DNAAF4: variants seen among roughly 807,000 people sequenced by gnomAD.
The protein encoded by DNAAF4 is dynein assembly factor 4, axonemal.
In DNAAF4, 43 loss-of-function variants were observed where a neutral mutation model predicts 51.8. That is an observed-to-expected ratio of 0.83 (90% confidence interval 0.65 to 1.07). DNAAF4 has a LOEUF of 1.07. Among genes scored for constraint, DNAAF4 ranks in the 50% least tolerant of loss-of-function variants. The pLI is 0.00. For synonymous variants in DNAAF4, 194 were observed against 165.6 expected (o/e 1.17, Z -1.32); for missense variants, 581 against 493.0 (o/e 1.18, Z -1.69).
chr15:55,435,087 CA>C, intron 7 of DNAAF4, 29 bp from the exon 8 acceptor site: 1 of 1,561,064 alleles, frequency 6.4e-7, no homozygotes, highest in Non-Finnish European at 8.6e-7. Flanking sequence ...AGAAGAAAAA[CA>C]ATTTAACATT....
intron 1 of DNAAF4, among the ~76,000 whole-genome samples, chr15:55,502,811 A>G (rs1489623357): frequency 6.6e-6 from 1 of 152,194 alleles, no homozygotes; most frequent in Non-Finnish European, 1.5e-5. Context: ...AATGCCCACA[A>G]AAGAAAGCAG....
chr15:55,473,359 ATGTGTGTGTG>A lies in DNAAF4; in HGVS notation c.406-6208_406-6199del, dbSNP rs375640196. On this transcript the variant is annotated intron_variant, in intron 4 of 9. Transcript: ENST00000321149. ...TGTGTATATATATGTGTGTATATAT[ATGTGTGTGTG>A]TATATATATATATATGCAAACTTAA... 3.7e-5 allele frequency among the ~76,000 whole-genome samples: 5 copies of A among 133,558 alleles called. No individual in the cohort carries two copies. The South Asian group carries it at 7.4e-4, about 20-fold the overall frequency. 87.6% of individuals were successfully genotyped at this position (133,558 alleles called of 152,430 possible).
At chr15:55,446,302 GGGGGGGCA>G (rs2057812086) in intron 6 of DNAAF4, among the ~76,000 whole-genome samples, 4 of 113,216 alleles carry the variant, frequency 3.5e-5, no homozygotes, top group Non-Finnish European at 7.5e-5. Context: ...CAGACGGGGG[GGGGGGGCA>G]GCTGGGCAGA....
At chr15:55,464,292 C>G (rs1053050703) in intron 5 of DNAAF4, among the ~76,000 whole-genome samples, 12 of 152,138 alleles carry the variant, frequency 7.9e-5, no homozygotes, top group African/African-American at 2.9e-4. Context: ...TCCCCTAACA[C>G]AAAAATTAAC....
rs1057183890 is a variant in DNAAF4 at position 55,417,822 on chromosome 15, C to T, written c.*213G>A. On this transcript the variant is annotated 3_prime_UTR_variant, in exon 8 of 8. Transcript: ENST00000448430. ...GGGCTGAGTCCGAAAAGACAGTCAG[C>T]GAAGGGAGATAGGGGTGGGGCCGTT... The T allele has an allele frequency of 5.2e-5, 13 of 248,614 alleles. No homozygotes were observed. In the South Asian group the frequency reaches 7.2e-4, roughly 14 times the overall value. The allele number at this position is 248,614 out of a possible 1,614,324, so 15.4% of individuals were successfully genotyped here. A position where few individuals can be genotyped will look rare whatever the true frequency, so the allele number is the denominator to read the frequency against.
intron 3 of DNAAF4, among the ~76,000 whole-genome samples, chr15:55,491,735 A>AT (rs993286182): frequency 2.9e-5 from 4 of 138,966 alleles, no homozygotes; most frequent in East Asian, 3.9e-4. Flanking sequence ...ATATAATATA[A>AT]TATATAATAT....
intron 6 of DNAAF4, among the ~76,000 whole-genome samples, chr15:55,442,162 A>AGGCTGGAGTGATGT (rs1281798447): frequency 6.6e-6 from 1 of 152,154 alleles, no homozygotes; most frequent in African/African-American, 2.4e-5. Flanking sequence ...TCTGTTGCCA[A>AGGCTGGAGTGATGT]GGCTGGAGTG....
chr15:55,446,399 C>T (rs1397622410), intron 6 of DNAAF4, among the ~76,000 whole-genome samples: 34 of 139,532 alleles, frequency 2.4e-4, no homozygotes, highest in East Asian at 2.1e-3. Context: ...CGGGCAGAGG[C>T]GCTCCTCACT....
rs752970638 is a variant in DNAAF4, at chr15:55,432,574, G to C, written c.1076C>G (p.Thr359Arg). Residue 359 changes from threonine to arginine, a missense_variant, in exon 9 of 10, where the codon ACA (threonine) becomes AGA (arginine). Physicochemically the swap from Thr to Arg is moderately conservative, Grantham distance 71 (BLOSUM62 -1). Transcript: ENST00000321149. ...CTTCATTCTTGCATTAGCATTGTCT[G>C]TAACAGGTGGCATCAATAATTCCAG... ...KALELLMPPV[T>R]DNANARMKAH... 3 of 1,611,678 alleles carry C rather than the reference G, an allele frequency of 1.9e-6. No individual in the cohort carries two copies. The highest frequency in any genetic ancestry group is 2.2e-5 in the East Asian group (1 of 44,860).
At chr15:55,507,748 T>G (rs1053409642) in intron 1 of DNAAF4, among the ~76,000 whole-genome samples, 1 of 152,074 alleles carries the variant, frequency 6.6e-6, no homozygotes, top group African/African-American at 2.4e-5. Flanking sequence ...TCTCAGCACT[T>G]TGGGAGTGTC....
At chr15:55,418,488 G>C in intron 7 of DNAAF4, 1 of 1,528,714 alleles carries the variant, frequency 6.5e-7, no homozygotes, top group Non-Finnish European at 8.8e-7. Context: ...AGAGCAACTG[G>C]ATTTTATCAA....
chr15:55,482,185 T>C (rs960325988), intron 4 of DNAAF4, among the ~76,000 whole-genome samples: 1 of 152,166 alleles, frequency 6.6e-6, no homozygotes, highest in Non-Finnish European at 1.5e-5. Context: ...GGACAACTCA[T>C]AGTCAAGACT....
chr15:55,489,875 G>GTT (rs869277272), intron 4 of DNAAF4, among the ~76,000 whole-genome samples: 69 of 137,774 alleles, frequency 5.0e-4, no homozygotes, highest in African/African-American at 1.3e-3. Flanking sequence ...GAGATAAGAA[G>GTT]TTTTTTTTTT....
Position 55,424,892 on chromosome 15 carries a change from T to C in DNAAF4, c.1048-6759A>G, listed in dbSNP as rs560198358. Among the ~76,000 whole-genome samples, 556 of 150,488 alleles carry C rather than the reference T, an allele frequency of 3.7e-3. 5 individuals are homozygous for C. Among genetic ancestry groups the C allele is most frequent in the African/African-American group, 0.013 (527 of 40,810 alleles). On this transcript the variant is annotated intron_variant, in intron 7 of 7. Transcript: ENST00000448430. ...TGCTTTTTTTTTGGAGATGGAGTTT[T>C]GCTCTTGTTGCCCAGGCTGCTGGAG... is the stretch of plus-strand genomic sequence containing the variant.
intron 5 of DNAAF4, among the ~76,000 whole-genome samples, chr15:55,450,875 A>G (rs2057921584): frequency 1.3e-5 from 2 of 152,212 alleles, no homozygotes; most frequent in South Asian, 4.1e-4. Flanking sequence ...AGGCGGGCCA[A>G]TCACCTGAGG....
chr15:55,469,765 C>T (rs2058226254), intron 4 of DNAAF4, among the ~76,000 whole-genome samples: 2 of 151,932 alleles, frequency 1.3e-5, no homozygotes. Context: ...GCTGGGATTA[C>T]AGGCGTGAGC....
At chr15:55,481,196 A>G (rs1010637506) in intron 4 of DNAAF4, among the ~76,000 whole-genome samples, 15 of 152,160 alleles carry the variant, frequency 9.9e-5, no homozygotes, top group African/African-American at 3.4e-4. Context: ...GGACTAATAC[A>G]GGGACTGGAT....
intron 7 of DNAAF4, chr15:55,418,215 T>G: frequency 6.4e-7 from 1 of 1,570,606 alleles, no homozygotes; most frequent in Non-Finnish European, 8.6e-7. Context: ...TATGTGTTTA[T>G]CTTTTAGGAT....
intron 7 of DNAAF4, chr15:55,418,372 G>C (rs1389187828): frequency 2.6e-6 from 4 of 1,536,888 alleles, no homozygotes; most frequent in Non-Finnish European, 3.5e-6. Flanking sequence ...AACCTCAAAT[G>C]ATTATGTATA....
Sources: allele counts gnomAD v4.1 joint callset (sites outside exome capture counted in the v4.1 genomes callset), GRCh38; gene constraint gnomAD v4.1.1; transcripts MANE v1.5; gene names NCBI Gene and HGNC (gene_info 2026-07-23, HGNC 2026-07-21).